THSD7B: variants seen among roughly 807,000 people sequenced by gnomAD.
The protein encoded by THSD7B is thrombospondin type 1 domain containing 7B.
THSD7B carries 138 observed loss-of-function variants against 213.6 expected under a neutral mutation model. That is an observed-to-expected ratio of 0.65 (90% confidence interval 0.56 to 0.74). The LOEUF is 0.74. Ranked by LOEUF, THSD7B falls within the 30% of genes least tolerant of loss-of-function variation. THSD7B has a pLI of 0.00. For missense variants in THSD7B, 1,931 were observed against 1,991.5 expected, an observed-to-expected ratio of 0.97 and a Z score of 0.58; for synonymous variants, 742 against 687.0, an observed-to-expected ratio of 1.08 and a Z score of -1.25.
At chr2:137,265,625 A>C (rs911910129) in intron 10 of THSD7B, among the ~76,000 whole-genome samples, 2 of 152,238 alleles carry the variant, frequency 1.3e-5, no homozygotes, top group African/African-American at 4.8e-5. Flanking sequence ...AGAAATAAAA[A>C]GGTCCAGTGA....
At chr2:137,133,946 A>G (rs138079896) in intron 5 of THSD7B, among the ~76,000 whole-genome samples, 1,711 of 152,288 alleles carry the variant, frequency 0.011, 16 homozygotes, top group Non-Finnish European at 0.015. Flanking sequence ...ACTGGCTACC[A>G]TGTTGGACAG....
chr2:137,007,764 T>C (rs1304083505), intron 2 of THSD7B, among the ~76,000 whole-genome samples: 3 of 152,184 alleles, frequency 2.0e-5, no homozygotes, highest in Non-Finnish European at 4.4e-5. Flanking sequence ...AGAGATTATA[T>C]TGCCAATGAA....
At chr2:137,137,681 T>C (rs1679493450) in intron 5 of THSD7B, among the ~76,000 whole-genome samples, 1 of 152,128 alleles carries the variant, frequency 6.6e-6, no homozygotes, top group Non-Finnish European at 1.5e-5. Context: ...ACCACAAAAT[T>C]GCCTGATGAC....
intron 17 of THSD7B, among the ~76,000 whole-genome samples, chr2:137,606,467 C>T (rs1190909705): frequency 6.6e-6 from 1 of 152,142 alleles, no homozygotes; most frequent in Non-Finnish European, 1.5e-5. Flanking sequence ...AAATCCCAAA[C>T]ACATTCTAGA....
intron 15 of THSD7B, among the ~76,000 whole-genome samples, chr2:137,457,659 A>C (rs574846150): frequency 6.6e-6 from 1 of 152,348 alleles, no homozygotes; most frequent in African/African-American, 2.4e-5. Context: ...CTAGAAAAAC[A>C]TTACAACCTG....
chr2:137,633,733 T>C (rs1160508003), intron 20 of THSD7B, among the ~76,000 whole-genome samples: 1 of 152,082 alleles, frequency 6.6e-6, no homozygotes, highest in Non-Finnish European at 1.5e-5. Context: ...GGGGGAGGAA[T>C]TCTCAGGGGC....
intron 4 of THSD7B, among the ~76,000 whole-genome samples, chr2:137,111,330 G>A (rs1311744084): frequency 1.3e-5 from 2 of 152,160 alleles, no homozygotes; most frequent in Non-Finnish European, 2.9e-5. Context: ...GCTACCCATT[G>A]TCTACTGAAG....
rs151028913 is a variant in THSD7B, at chr2:136,976,684, C to T, written c.140-79736C>T. On this transcript the variant is annotated intron_variant, in intron 2 of 27. Coordinates refer to ENST00000409968, the MANE Select transcript of THSD7B (RefSeq NM_001316349.2). Reference sequence around the variant, plus strand: ...AGTCTCGCTCTGTCGCTCAGTGGTACGATCTCGGCTCACTGCAAGCTCCGC... The same window carrying T: ...AGTCTCGCTCTGTCGCTCAGTGGTATGATCTCGGCTCACTGCAAGCTCCGC... 1.2e-3 allele frequency among the ~76,000 whole-genome samples: 177 copies of T among 151,376 alleles called. 1 individual carries two copies. Among genetic ancestry groups the T allele is most frequent in the African/African-American group, 4.2e-3 (173 of 41,194 alleles).
At chr2:137,586,313 C>T (rs4278978) in intron 17 of THSD7B, among the ~76,000 whole-genome samples, 76,394 of 151,934 alleles carry the variant, frequency 0.5, 20,399 homozygotes, top group African/African-American at 0.69. Flanking sequence ...TGTCTTTTAA[C>T]TGGAGTATTT....
chr2:137,082,616 C>A (rs1323141180), intron 3 of THSD7B, among the ~76,000 whole-genome samples: 5 of 152,044 alleles, frequency 3.3e-5, no homozygotes, highest in African/African-American at 1.2e-4. Flanking sequence ...TGCCATGCAG[C>A]CATTAGGAAA....
At chr2:137,336,610 A>C (rs10197612) in intron 12 of THSD7B, among the ~76,000 whole-genome samples, 24,183 of 152,110 alleles carry the variant, frequency 0.16, 2,124 homozygotes, top group South Asian at 0.27. Flanking sequence ...AGTTCTTTTC[A>C]TGGTCTTGCT....
intron 20 of THSD7B, among the ~76,000 whole-genome samples, chr2:137,632,975 G>A (rs939063418): frequency 3.9e-5 from 6 of 152,136 alleles, no homozygotes; most frequent in African/African-American, 1.4e-4. Context: ...CCCTCTATAG[G>A]GGAAGCTGAG....
At chr2:137,283,448 G>C (rs1301201599) in intron 12 of THSD7B, among the ~76,000 whole-genome samples, 1 of 152,098 alleles carries the variant, frequency 6.6e-6, no homozygotes, top group African/African-American at 2.4e-5. Flanking sequence ...GAATAGGAGT[G>C]GTGAGAGAGG....
At chr2:137,165,163 G>GT (rs1295871367) in intron 6 of THSD7B, among the ~76,000 whole-genome samples, 1 of 152,134 alleles carries the variant, frequency 6.6e-6, no homozygotes, top group African/African-American at 2.4e-5. Context: ...AGAATTAGCC[G>GT]TTTTTTAATA....
chr2:137,566,974 G>A (rs76066802), intron 16 of THSD7B, among the ~76,000 whole-genome samples: 2,546 of 151,876 alleles, frequency 0.017, 70 homozygotes, highest in East Asian at 0.075. Flanking sequence ...AGGATTCCAG[G>A]GACAAGGAGA....
chr2:137,299,223 G>A (rs980374070), intron 12 of THSD7B, among the ~76,000 whole-genome samples: 19 of 152,082 alleles, frequency 1.2e-4, no homozygotes, highest in African/African-American at 4.1e-4. Flanking sequence ...GACTTGCATG[G>A]ACCCTGTAAC....
Position 136,808,794 on chromosome 2 carries a change from C to T in THSD7B, c.-36+43107C>T, listed in dbSNP as rs115622077. On this transcript the variant is annotated intron_variant, in intron 1 of 27. Coordinates refer to ENST00000409968, the MANE Select transcript of THSD7B (RefSeq NM_001316349.2). ...GGCCACAGTTAAAGCTACCTGAGGT[C>T]GTCTGGTCTTTTACAGATCTGTCCC... Among the ~76,000 whole-genome samples the T allele has an allele frequency of 2.8e-3, 420 of 152,284 alleles. 2 individuals are homozygous for T. The highest frequency in any genetic ancestry group is 9.3e-3 in the African/African-American group (385 of 41,566).
chr2:137,454,728 C>T (rs998794124), intron 15 of THSD7B, among the ~76,000 whole-genome samples: 18 of 151,962 alleles, frequency 1.2e-4, no homozygotes, highest in Non-Finnish European at 2.4e-4. Context: ...TTTCTCTAGG[C>T]TAGGCATATG....
At chr2:137,144,038 T>A (rs1237233360) in intron 5 of THSD7B, among the ~76,000 whole-genome samples, 1 of 152,104 alleles carries the variant, frequency 6.6e-6, no homozygotes, top group African/African-American at 2.4e-5. Flanking sequence ...CTACAGGTAC[T>A]TATGTTTTAA....
Sources: allele counts gnomAD v4.1 joint callset (sites outside exome capture counted in the v4.1 genomes callset), GRCh38; gene constraint gnomAD v4.1.1; transcripts MANE v1.5; gene names NCBI Gene and HGNC (gene_info 2026-07-23, HGNC 2026-07-21).